The following TPD52 variants were observed in gnomAD, a reference collection of about 807,000 sequenced individuals.
The protein encoded by TPD52 is prostate and colon associated protein.
A neutral mutation model predicts 31.3 loss-of-function variants in TPD52; 17 were observed. The ratio of observed to expected loss-of-function variants is 0.54; its 90% CI spans 0.37 to 0.82. The LOEUF (loss-of-function observed/expected upper bound fraction) is 0.82, where lower values mean the gene tolerates loss of function less well. Ranked by LOEUF, TPD52 falls within the 40% of genes least tolerant of loss-of-function variation. The probability of loss-of-function intolerance (pLI) is 0.00; values close to 1 mark genes in which losing one functional copy is unlikely to be tolerated. For synonymous variants in TPD52, 83 were observed against 89.6 expected, an observed-to-expected ratio of 0.93 and a Z score of 0.42; for missense variants, 212 against 240.1, an observed-to-expected ratio of 0.88 and a Z score of 0.77.
intron 1 of TPD52, among the ~76,000 whole-genome samples, chr8:80,095,009 T>C (rs1162459454): frequency 1.3e-5 from 2 of 152,034 alleles, no homozygotes; most frequent in Non-Finnish European, 2.9e-5. Context: ...GATCCTTCAA[T>C]TGCACTCCCA....
intron 1 of TPD52, among the ~76,000 whole-genome samples, chr8:80,134,162 T>C (rs1809225477): frequency 6.6e-6 from 1 of 152,216 alleles, no homozygotes; most frequent in Non-Finnish European, 1.5e-5. Flanking sequence ...CATTAAGTAA[T>C]TGTAGCTGTT....
chr8:80,119,535 G>T (rs1808103294), intron 1 of TPD52, among the ~76,000 whole-genome samples: 1 of 151,968 alleles, frequency 6.6e-6, no homozygotes, highest in Non-Finnish European at 1.5e-5. Flanking sequence ...GTTTTCTGGG[G>T]GAAAAAAAGT....
intron 1 of TPD52, among the ~76,000 whole-genome samples, chr8:80,147,451 G>A (rs1481979138): frequency 3.3e-5 from 5 of 152,218 alleles, no homozygotes; most frequent in Admixed American, 1.3e-4. Flanking sequence ...TCTTACTGGT[G>A]ACTCCGGTGG....
rs1206714480 is a variant in TPD52, at chr8:80,044,215, G to A, written c.414-7C>T. 1 of 1,574,382 alleles carries A rather than the reference G, an allele frequency of 6.4e-7. No individual in the cohort carries two copies. Among genetic ancestry groups the A allele is most frequent in the Non-Finnish European group, 8.6e-7 (1 of 1,165,862 alleles). ...ATGCTGAATGGAACGTATACTAAGA[G>A]GCAGCATTAAAAAGAGATAGAAATA... On this transcript the variant is annotated splice_region_variant and splice_polypyrimidine_tract_variant and intron_variant, in intron 5 of 7. Coordinates refer to ENST00000518937, the MANE Select transcript of TPD52 (RefSeq NM_001025253.3).
At chr8:80,159,466 T>C (rs1449024711) in intron 1 of TPD52, among the ~76,000 whole-genome samples, 1 of 152,158 alleles carries the variant, frequency 6.6e-6, no homozygotes, top group Non-Finnish European at 1.5e-5. Flanking sequence ...GCAACTTTTA[T>C]GTAGTATAGG....
chr8:80,133,802 A>G (rs1809198013), intron 1 of TPD52, among the ~76,000 whole-genome samples: 1 of 151,986 alleles, frequency 6.6e-6, no homozygotes, highest in Admixed American at 6.6e-5. Context: ...AAAGAAAAAA[A>G]TTGTTGGCAC....
chr8:80,119,999 AAG>A (rs1489164807), intron 1 of TPD52: 1 of 245,624 alleles, frequency 4.1e-6, no homozygotes, highest in Admixed American at 5.6e-5. Flanking sequence ...AAAAGTTACT[AAG>A]AGACTGACAA....
rs1401870811 is a variant in TPD52 at position 80,171,198 on chromosome 8, C to T, written c.19+227G>A. ...CTTCTCTCCCTCTCCCCCACACACG[C>T]ACACTCACACTCACACATGCAGTCC... On this transcript the variant is annotated intron_variant, in intron 1 of 7. Coordinates refer to ENST00000518937, the MANE Select transcript of TPD52 (RefSeq NM_001025253.3). 6 of 701,864 alleles carry T rather than the reference C, an allele frequency of 8.5e-6. No individual in the cohort carries two copies. In the Admixed American group the frequency reaches 1.0e-4, roughly 12 times the overall value. The allele number at this position is 701,864 out of a possible 1,614,324, so 43.5% of individuals were successfully genotyped here. A position where few individuals can be genotyped will look rare whatever the true frequency, so the allele number is the denominator to read the frequency against.
rs115652808 is a variant in TPD52 at position 80,118,767 on chromosome 8, A to T, written c.19+52658T>A. Among the ~76,000 whole-genome samples, 5 of 152,284 alleles carry T rather than the reference A, an allele frequency of 3.3e-5. No homozygotes were observed. In the South Asian group the frequency reaches 8.3e-4, roughly 25 times the overall value. On this transcript the variant is annotated intron_variant, in intron 1 of 7. Coordinates refer to ENST00000518937, the MANE Select transcript of TPD52 (RefSeq NM_001025253.3). ...AATGGTTATAATCAAGAAGACAATAATAAGTGTTGGTGACGATCCAGAGAA... is the reference window on the plus strand; with the variant it reads ...AATGGTTATAATCAAGAAGACAATATTAAGTGTTGGTGACGATCCAGAGAA...
intron 1 of TPD52, among the ~76,000 whole-genome samples, chr8:80,100,449 A>G (rs572661232): frequency 3.0e-4 from 45 of 152,296 alleles, no homozygotes; most frequent in African/African-American, 9.1e-4. Flanking sequence ...CTAAAAACCA[A>G]TTGTTTTCGG....
intron 1 of TPD52, among the ~76,000 whole-genome samples, chr8:80,165,144 T>C (rs1017322028): frequency 6.6e-5 from 10 of 152,064 alleles, no homozygotes; most frequent in African/African-American, 2.4e-4. Context: ...ATATTAAATA[T>C]ATATAGTAAG....
At chr8:80,054,398 A>G (rs745822681) in intron 2 of TPD52, among the ~76,000 whole-genome samples, 7 of 152,208 alleles carry the variant, frequency 4.6e-5, no homozygotes, top group African/African-American at 1.2e-4. Context: ...TAGACTCTCT[A>G]TTTCAGAAAC....
At chr8:80,034,136 G>GAC (rs1480661416), downstream of TPD52, among the ~76,000 whole-genome samples, 2 of 152,138 alleles carry the variant, frequency 1.3e-5, no homozygotes, top group Admixed American at 1.3e-4. Flanking sequence ...GCAGGAACCT[G>GAC]ACATGTCAGC....
At chr8:80,162,492 A>T (rs1054159694) in intron 1 of TPD52, among the ~76,000 whole-genome samples, 39 of 149,876 alleles carry the variant, frequency 2.6e-4, no homozygotes, top group Non-Finnish European at 3.0e-5. Context: ...AAGCTCTGTA[A>T]TTTTTTTTTT....
chr8:80,042,305 A>G, intron 7 of TPD52: 4 of 985,428 alleles, frequency 4.1e-6, no homozygotes, highest in Non-Finnish European at 4.8e-6. Context: ...CAAGAAAGTT[A>G]TATTAAATTT....
intron 1 of TPD52, among the ~76,000 whole-genome samples, chr8:80,080,986 T>C (rs990063229): frequency 2.0e-5 from 3 of 152,308 alleles, no homozygotes; most frequent in East Asian, 1.9e-4. Context: ...ATACTTTTTT[T>C]CCACCCTGGA....
chr8:80,038,282 C>G, intron 7 of TPD52, 47 bp from the exon 8 acceptor site: 1 of 1,599,094 alleles, frequency 6.3e-7, no homozygotes, highest in East Asian at 2.2e-5. Context: ...AAACATAAAA[C>G]TAGCTGATTC....
chr8:80,064,806 A>C (rs1284366913), intron 1 of TPD52: 1 of 681,334 alleles, frequency 1.5e-6, no homozygotes, highest in South Asian at 1.5e-5. Flanking sequence ...CCAAAATATG[A>C]ATTTAGAAAA....
At chr8:80,155,328 AG>A (rs1810887199) in intron 1 of TPD52, among the ~76,000 whole-genome samples, 1 of 152,090 alleles carries the variant, frequency 6.6e-6, no homozygotes, top group African/African-American at 2.4e-5. Context: ...TGAGGTGGTG[AG>A]AGAATAAAGA....
Sources: gnomAD v4.1 joint callset for allele counts (sites outside exome capture counted in the v4.1 genomes callset) on GRCh38, gnomAD v4.1.1 for gene constraint, MANE v1.5 for transcripts, NCBI Gene and HGNC (gene_info 2026-07-23, HGNC 2026-07-21) for gene names.